The following SAG variants were observed in gnomAD, a reference collection of about 807,000 sequenced individuals.
SAG encodes S-antigen visual arrestin.
SAG carries 45 observed loss-of-function variants against 55.0 expected under a neutral mutation model. That is an observed-to-expected ratio of 0.82 (90% CI 0.64 to 1.05). The LOEUF (loss-of-function observed/expected upper bound fraction) is 1.05, where lower values mean the gene tolerates loss of function less well. Ranked by LOEUF, SAG falls within the 50% of genes least tolerant of loss-of-function variation. The pLI is 0.00. For missense variants in SAG, 455 were observed against 512.1 expected, an observed-to-expected ratio of 0.89 and a Z score of 1.08; for synonymous variants, 189 against 197.4, an observed-to-expected ratio of 0.96 and a Z score of 0.36.
chr2:233,346,728 G>A, intron 15 of SAG, 79 bp from the exon 16 acceptor site: 1 of 1,003,576 alleles, frequency 1.0e-6, no homozygotes, highest in Non-Finnish European at 1.5e-6. Context: ...TTCCTTCGTT[G>A]CAAAAAGATC....
At chr2:233,315,403 C>T (rs187266508) in intron 2 of SAG, among the ~76,000 whole-genome samples, 25 of 148,126 alleles carry the variant, frequency 1.7e-4, no homozygotes, top group South Asian at 6.5e-4. Context: ...AGCAACTCTC[C>T]TGCCTCAATC....
intron 14 of SAG, chr2:233,343,580 T>C (rs1305793294): frequency 1.2e-6 from 1 of 826,386 alleles, no homozygotes; most frequent in African/African-American, 1.8e-5. Flanking sequence ...TGTGAAAAGG[T>C]AAATTGTATG....
intron 11 of SAG, among the ~76,000 whole-genome samples, chr2:233,337,095 CAAAAA>C (rs5839479): frequency 2.1e-5 from 3 of 142,262 alleles, no homozygotes; most frequent in Non-Finnish European, 4.6e-5. Flanking sequence ...GACCCTGTCT[CAAAAA>C]AAAAAAAAAG....
chr2:233,318,907 C>G, intron 4 of SAG, 112 bp downstream of exon 4: 3 of 908,140 alleles, frequency 3.3e-6, no homozygotes, highest in Non-Finnish European at 5.6e-6. Context: ...GCAGAGGCAG[C>G]GCTCTTGCAC....
At chr2:233,322,469 C>T (rs1288633791) in intron 5 of SAG, among the ~76,000 whole-genome samples, 2 of 152,212 alleles carry the variant, frequency 1.3e-5, no homozygotes, top group Admixed American at 6.5e-5. Flanking sequence ...GTGATCATCA[C>T]TTTGTCCCAT....
intron 2 of SAG, 43 bp downstream of exon 2, chr2:233,309,307 T>TA (rs746760477): frequency 2.0e-5 from 31 of 1,547,432 alleles, no homozygotes; most frequent in Non-Finnish European, 2.3e-5. Context: ...AATTATTGTT[T>TA]AAAAAAAATG....
At chr2:233,310,664 G>A (rs1003976591) in intron 2 of SAG, among the ~76,000 whole-genome samples, 8 of 151,900 alleles carry the variant, frequency 5.3e-5, no homozygotes, top group African/African-American at 1.2e-4. Context: ...GTGCCACCGC[G>A]CCCAGCTAAT....
At chr2:233,323,142 T>C in intron 6 of SAG, 137 bp downstream of exon 6, 1 of 666,394 alleles carries the variant, frequency 1.5e-6, no homozygotes, top group Admixed American at 2.8e-5. Flanking sequence ...CACTGCAACC[T>C]GTGGTTTCTG....
intron 13 of SAG, among the ~76,000 whole-genome samples, chr2:233,341,954 A>G (rs1701117603): frequency 3.9e-5 from 6 of 152,070 alleles, no homozygotes; most frequent in Admixed American, 3.9e-4. Flanking sequence ...CCCCATCTCT[A>G]CTTTTTAAAA....
rs529052281 is a variant in SAG, at chr2:233,324,607, G to A, written c.435+1602G>A. On this transcript the variant is annotated intron_variant, in intron 6 of 15. Coordinates refer to ENST00000409110, the MANE Select transcript of SAG (RefSeq NM_000541.5). Reference sequence around the variant, plus strand: ...TTGAGAACAGAGTTGAGATGGCCAAGCATGTGCTGTGGGGACTGAGGGTGT... The same window carrying A: ...TTGAGAACAGAGTTGAGATGGCCAAACATGTGCTGTGGGGACTGAGGGTGT... Among the ~76,000 whole-genome samples the A allele has an allele frequency of 2.3e-4, 35 of 152,296 alleles. 1 individual carries two copies. In the South Asian group the frequency reaches 7.2e-3, roughly 32 times the overall value.
At chr2:233,330,597 C>A (rs1196828716) in intron 9 of SAG, among the ~76,000 whole-genome samples, 1 of 150,488 alleles carries the variant, frequency 6.6e-6, no homozygotes, top group Non-Finnish European at 1.5e-5. Flanking sequence ...GTGGTGTGAT[C>A]TCGGCTCACT....
intron 10 of SAG, 146 bp from the exon 11 acceptor site, chr2:233,334,816 G>A (rs1700870622): frequency 1.2e-6 from 1 of 854,822 alleles, no homozygotes; most frequent in African/African-American, 1.7e-5. Context: ...CTTCTCGTAA[G>A]TCAAGTTCCC....
intron 14 of SAG, chr2:233,346,164 T>TAATGAAATAA (rs1553616499): frequency 4.9e-6 from 1 of 204,166 alleles, no homozygotes; most frequent in Non-Finnish European, 9.6e-6. Flanking sequence ...TAAAATAAAA[T>TAATGAAATAA]AATAAAATAA....
In SAG at chr2:233,327,299, C is replaced by A. The variant is rs562308490; in HGVS notation, c.512+102C>A. The stretch of plus-strand genomic sequence containing the variant: ...GTGGGACAGACCTCTTCCCATAGGG[C>A]TGGCACGGCTGGGGTACCATCTGCA... On this transcript the variant is annotated intron_variant, in intron 7 of 15. Coordinates refer to ENST00000409110, the MANE Select transcript of SAG (RefSeq NM_000541.5). 891 of 887,402 alleles carry A rather than the reference C, an allele frequency of 1.0e-3. 2 individuals carry two copies. Among genetic ancestry groups the A allele is most frequent in the Non-Finnish European group, 1.4e-3 (770 of 535,458 alleles). The allele number at this position is 887,402 out of a possible 1,614,324, so 55.0% of individuals were successfully genotyped here. A position where few individuals can be genotyped will look rare whatever the true frequency, so the allele number is the denominator to read the frequency against.
chr2:233,309,421 C>T (rs1021626657), intron 2 of SAG, 157 bp downstream of exon 2: 16 of 624,218 alleles, frequency 2.6e-5, no homozygotes, highest in African/African-American at 2.2e-4. Context: ...GAGGCGGAGG[C>T]GGGATAACTT....
chr2:233,322,434 G>T (rs1181507015), intron 5 of SAG, among the ~76,000 whole-genome samples: 1 of 152,196 alleles, frequency 6.6e-6, no homozygotes, highest in Non-Finnish European at 1.5e-5. Context: ...TAGAATTAAT[G>T]AAGTGAGTAA....
intron 5 of SAG, among the ~76,000 whole-genome samples, chr2:233,321,464 A>G (rs1700378897): frequency 6.6e-6 from 1 of 152,252 alleles, no homozygotes; most frequent in Non-Finnish European, 1.5e-5. Flanking sequence ...TACACCATGG[A>G]TGAATCCTGA....
chr2:233,328,679 C>T, intron 8 of SAG, 66 bp downstream of exon 8: 2 of 1,507,690 alleles, frequency 1.3e-6, no homozygotes, highest in South Asian at 2.6e-5. Flanking sequence ...ACACCCCTCT[C>T]TTCACCAGCC....
At chr2:233,318,153 TTTTTTTC>T (rs1283762341) in intron 3 of SAG, among the ~76,000 whole-genome samples, 1 of 151,534 alleles carries the variant, frequency 6.6e-6, no homozygotes, top group Non-Finnish European at 1.5e-5. Context: ...CCCTGCTAAC[TTTTTTTC>T]TTTTTTCTTT....
Sources: gnomAD v4.1 joint callset for allele counts (sites outside exome capture counted in the v4.1 genomes callset) on GRCh38, gnomAD v4.1.1 for gene constraint, MANE v1.5 for transcripts, NCBI Gene and HGNC (gene_info 2026-07-23, HGNC 2026-07-21) for gene names.